Variants in TTLL11 observed in about 807,000 individuals in gnomAD.
The protein encoded by TTLL11 is tubulin tyrosine ligase like 11, also known as tubulin polyglutamylase TTLL11.
A neutral mutation model predicts 51.7 loss-of-function variants in TTLL11; 42 were observed. The observed-to-expected ratio is 0.81, with a 90% CI of 0.64 to 1.05. The LOEUF (loss-of-function observed/expected upper bound fraction) is 1.05, where lower values mean the gene tolerates loss of function less well. Ranked by LOEUF, TTLL11 falls within the 50% of genes least tolerant of loss-of-function variation. TTLL11 has a pLI of 0.00. For synonymous variants in TTLL11, 381 were observed against 383.5 expected (o/e 0.99, Z 0.08); for missense variants, 799 against 940.4 (o/e 0.85, Z 1.97).
intron 6 of TTLL11, among the ~76,000 whole-genome samples, chr9:121,957,120 C>T (rs7866026): frequency 6.6e-6 from 1 of 152,084 alleles, no homozygotes; most frequent in South Asian, 2.1e-4. Flanking sequence ...GCTAAGGCCT[C>T]GTCCTTGCCA....
intron 1 of TTLL11, among the ~76,000 whole-genome samples, chr9:122,043,994 G>A (rs2131833929): frequency 6.6e-6 from 1 of 152,244 alleles, no homozygotes; most frequent in East Asian, 1.9e-4. Flanking sequence ...ATCTCCTAAT[G>A]CTATCCCTTC....
intron 6 of TTLL11, among the ~76,000 whole-genome samples, chr9:121,898,658 T>C (rs1201054962): frequency 6.6e-6 from 1 of 152,322 alleles, no homozygotes; most frequent in East Asian, 1.9e-4. Flanking sequence ...GTGGGCTCCC[T>C]GGGCATGGCA....
chr9:121,870,884 T>C, intron 6 of TTLL11, 136 bp from the exon 7 acceptor site: 1 of 1,027,228 alleles, frequency 9.7e-7, no homozygotes, highest in Non-Finnish European at 1.4e-6. Flanking sequence ...CACAGAGAAG[T>C]GACCTGCCCA....
chr9:121,833,930 C>T (rs1024673798), intron 8 of TTLL11, among the ~76,000 whole-genome samples: 1 of 152,088 alleles, frequency 6.6e-6, no homozygotes, highest in African/African-American at 2.4e-5. Context: ...CTTGCCAAGC[C>T]CTTCTCTCTC....
chr9:122,025,152 C>T (rs1844292972), intron 3 of TTLL11, among the ~76,000 whole-genome samples: 1 of 150,754 alleles, frequency 6.6e-6, no homozygotes, highest in Admixed American at 6.6e-5. Flanking sequence ...AAATAAACAA[C>T]CCAATTAAAA....
chr9:121,828,472 G>T (rs1836894074), intron 8 of TTLL11, among the ~76,000 whole-genome samples: 1 of 152,112 alleles, frequency 6.6e-6, no homozygotes, highest in Non-Finnish European at 1.5e-5. Context: ...ACCATGGCTG[G>T]CCACACGGAA....
rs112723785 is a variant in TTLL11, at chr9:121,896,722, G to A, written c.1482-25974C>T. 3.0e-3 allele frequency among the ~76,000 whole-genome samples: 464 copies of A among 152,218 alleles called. 3 individuals carry two copies. The highest frequency in any genetic ancestry group is 0.011 in the African/African-American group (446 of 41,556). The stretch of plus-strand genomic sequence containing the variant: ...ACTACGCAGACCCTGGCCCTGAGGC[G>A]GGAGGAAGCACCTCCTTCACCCGCC... On this transcript the variant is annotated intron_variant, in intron 6 of 8. Transcript: ENST00000321582.
chr9:121,840,113 T>C (rs1220890478), intron 8 of TTLL11, among the ~76,000 whole-genome samples: 2 of 152,254 alleles, frequency 1.3e-5, no homozygotes, highest in East Asian at 1.9e-4. Flanking sequence ...AACATTAACA[T>C]GCAAATTGCC....
chr9:121,833,750 T>C (rs1369228038), intron 8 of TTLL11, among the ~76,000 whole-genome samples: 2 of 152,194 alleles, frequency 1.3e-5, no homozygotes, highest in Admixed American at 6.5e-5. Context: ...ATGTATTATT[T>C]TACAGTTTAC....
chr9:121,866,679 A>T (rs1838187071), intron 7 of TTLL11, among the ~76,000 whole-genome samples: 1 of 150,628 alleles, frequency 6.6e-6, no homozygotes, highest in Non-Finnish European at 1.5e-5. Flanking sequence ...AAAAAGAAAG[A>T]AAAGAAAAGA....
At chr9:121,831,672 C>A (rs907238534) in intron 8 of TTLL11, among the ~76,000 whole-genome samples, 1 of 147,710 alleles carries the variant, frequency 6.8e-6, no homozygotes, top group African/African-American at 2.6e-5. Context: ...TTTACTCCAG[C>A]CTGGGCAAGA....
intron 8 of TTLL11, among the ~76,000 whole-genome samples, chr9:121,843,353 A>G (rs1837417677): frequency 6.6e-6 from 1 of 152,182 alleles, no homozygotes; most frequent in Non-Finnish European, 1.5e-5. Context: ...AGTTCAGCTT[A>G]CCAGGAGCAG....
intron 4 of TTLL11, among the ~76,000 whole-genome samples, chr9:121,982,635 C>T (rs771616233): frequency 1.1e-4 from 16 of 149,688 alleles, no homozygotes; most frequent in Admixed American, 2.0e-4. Context: ...GCAGGAGAAT[C>T]GCTTGAACCC....
chr9:122,042,037 T>C (rs1460587733), intron 1 of TTLL11, among the ~76,000 whole-genome samples: 1 of 143,900 alleles, frequency 6.9e-6, no homozygotes, highest in Non-Finnish European at 1.5e-5. Flanking sequence ...TGAAACAGAG[T>C]CTTCTTCCAT....
chr9:121,886,214 AC>A (rs1368308057), intron 6 of TTLL11, among the ~76,000 whole-genome samples: 1 of 152,200 alleles, frequency 6.6e-6, no homozygotes, highest in Non-Finnish European at 1.5e-5. Context: ...CTTTGGGGGA[AC>A]CATTAGGTAA....
At chr9:122,080,900 G>A (rs1057433692) in intron 1 of TTLL11, among the ~76,000 whole-genome samples, 1 of 152,076 alleles carries the variant, frequency 6.6e-6, no homozygotes, top group Non-Finnish European at 1.5e-5. Flanking sequence ...AAATTATAAT[G>A]TGGACATTAA....
chr9:121,990,612 CGTT>C (rs778033464), intron 3 of TTLL11, among the ~76,000 whole-genome samples: 2 of 152,128 alleles, frequency 1.3e-5, no homozygotes, highest in East Asian at 1.9e-4. Context: ...CTCACTGTGT[CGTT>C]GTAAGGATGA....
chr9:121,922,032 C>T (rs1018886098), intron 6 of TTLL11, among the ~76,000 whole-genome samples: 15 of 152,244 alleles, frequency 9.9e-5, no homozygotes, highest in East Asian at 7.7e-4. Flanking sequence ...CACAACCTGG[C>T]GACTGGTCAG....
chr9:121,922,373 A>G (rs1342430543), intron 6 of TTLL11, among the ~76,000 whole-genome samples: 1 of 152,074 alleles, frequency 6.6e-6, no homozygotes, highest in African/African-American at 2.4e-5. Context: ...TCAATGTTGA[A>G]TTTTTAATGT....
Sources: allele counts gnomAD v4.1 joint callset (sites outside exome capture counted in the v4.1 genomes callset), GRCh38; gene constraint gnomAD v4.1.1; transcripts MANE v1.5; gene names NCBI Gene and HGNC (gene_info 2026-07-23, HGNC 2026-07-21).